Variants in RSU1 observed in about 807,000 individuals in gnomAD.
The protein encoded by RSU1 is rsu-1.
RSU1 carries 26 observed loss-of-function variants against 31.1 expected under a neutral mutation model. The ratio of observed to expected loss-of-function variants is 0.84; its 90% CI spans 0.61 to 1.16. RSU1 has a LOEUF of 1.16. Ranked by LOEUF, RSU1 falls within the 50% of genes most tolerant of loss-of-function variation. The pLI, the probability that RSU1 is intolerant of heterozygous loss-of-function variation, is 0.00. For missense variants in RSU1, 320 were observed against 339.1 expected (o/e 0.94, Z 0.44); for synonymous variants, 164 against 136.3 (o/e 1.20, Z -1.41).
intron 2 of RSU1, among the ~76,000 whole-genome samples, chr10:16,805,247 C>CAATCATAGCAAACGT (rs1234484030): frequency 6.6e-6 from 1 of 152,006 alleles, no homozygotes; most frequent in Non-Finnish European, 1.5e-5. Flanking sequence ...ATTGGTCCAG[C>CAATCATAGCAAACGT]AATCATAGCA....
intron 8 of RSU1, among the ~76,000 whole-genome samples, chr10:16,611,139 C>T (rs1274820350): frequency 2.6e-5 from 4 of 152,208 alleles, no homozygotes; most frequent in Admixed American, 6.5e-5. Flanking sequence ...GCTCAAGCAG[C>T]AGTGACTACA....
Position 16,792,002 on chromosome 10 carries a change from C to A in RSU1, c.110-9918G>T, listed in dbSNP as rs118078897. Among the ~76,000 whole-genome samples the A allele has an allele frequency of 3.3e-4, 50 of 152,174 alleles. 1 individual carries two copies. The East Asian group carries it at 6.8e-3, about 21-fold the overall frequency. Reference sequence around the variant, plus strand: ...GCACTTACATCCAGACAGATGAGGGCGAACAAAGCCAGGATGAGACACGGG... The same window carrying A: ...GCACTTACATCCAGACAGATGAGGGAGAACAAAGCCAGGATGAGACACGGG... On this transcript the variant is annotated intron_variant, in intron 2 of 8. Coordinates refer to ENST00000345264, the MANE Select transcript of RSU1 (RefSeq NM_012425.4).
chr10:16,651,682 A>G (rs924841617), intron 8 of RSU1, among the ~76,000 whole-genome samples: 1 of 152,226 alleles, frequency 6.6e-6, no homozygotes, highest in South Asian at 2.1e-4. Context: ...CTCATTTGCA[A>G]TATTACTCTA....
At chr10:16,605,593 C>G (rs11598349) in intron 8 of RSU1, among the ~76,000 whole-genome samples, 1 of 152,162 alleles carries the variant, frequency 6.6e-6, no homozygotes, top group Non-Finnish European at 1.5e-5. Flanking sequence ...GACTGAACAT[C>G]TGAGCCAAGC....
intron 8 of RSU1, among the ~76,000 whole-genome samples, chr10:16,618,591 G>C (rs1298197223): frequency 1.3e-5 from 2 of 152,148 alleles, no homozygotes; most frequent in African/African-American, 4.8e-5. Context: ...GCCCTTTGAT[G>C]ATAGACTGGA....
chr10:16,690,068 T>G lies in RSU1; in HGVS notation c.731+4955A>C, dbSNP rs181379991. Among the ~76,000 whole-genome samples the G allele has an allele frequency of 1.1e-3, 162 of 152,332 alleles. 5 individuals are homozygous for G. The South Asian group carries it at 0.024, about 23-fold the overall frequency. ...GTATCCACGTTCCTTGATGGAAATG[T>G]GCAAAGTGTGAGTTACCCCCTTTCA... On this transcript the variant is annotated intron_variant, in intron 8 of 8. Transcript: ENST00000345264.
At chr10:16,760,570 A>G (rs949632930) in intron 4 of RSU1, among the ~76,000 whole-genome samples, 5 of 152,058 alleles carry the variant, frequency 3.3e-5, no homozygotes, top group African/African-American at 9.7e-5. Context: ...GCCTCAAACC[A>G]AAATGTTATT....
At chr10:16,670,740 A>G (rs1452789101) in intron 8 of RSU1, among the ~76,000 whole-genome samples, 1 of 152,102 alleles carries the variant, frequency 6.6e-6, no homozygotes, top group Non-Finnish European at 1.5e-5. Context: ...CTTGGTCAGT[A>G]CTGGTCAGCA....
chr10:16,701,512 G>A (rs1346568222), intron 7 of RSU1, among the ~76,000 whole-genome samples: 1 of 152,146 alleles, frequency 6.6e-6, no homozygotes, highest in Non-Finnish European at 1.5e-5. Flanking sequence ...ATTTTTAAAA[G>A]AGGCATTCTG....
intron 3 of RSU1, 93 bp from the exon 4 acceptor site, chr10:16,764,603 A>G (rs1837276542): frequency 5.1e-6 from 7 of 1,372,386 alleles, no homozygotes; most frequent in Non-Finnish European, 7.0e-6. Flanking sequence ...CAAAGCAAAG[A>G]AAGACATAAC....
chr10:16,616,562 A>G lies in RSU1; in HGVS notation c.732-23066T>C, dbSNP rs137958754. Among the ~76,000 whole-genome samples the G allele has an allele frequency of 1.1e-3, 172 of 152,238 alleles. 1 individual carries two copies. Among genetic ancestry groups the G allele is most frequent in the African/African-American group, 3.9e-3 (164 of 41,554 alleles). On this transcript the variant is annotated intron_variant, in intron 8 of 8. Coordinates refer to ENST00000345264, the MANE Select transcript of RSU1 (RefSeq NM_012425.4). The stretch of plus-strand genomic sequence containing the variant: ...CAAAAACTGTCAGAGAGACAACAAA[A>G]AAAGAAAATTTCAGGCCAATATTCC...
intron 7 of RSU1, among the ~76,000 whole-genome samples, chr10:16,710,066 G>A (rs1175395304): frequency 6.6e-6 from 1 of 152,134 alleles, no homozygotes; most frequent in Non-Finnish European, 1.5e-5. Context: ...TTGAACAGAA[G>A]TAGCAGAAGT....
At chr10:16,752,797 A>G in intron 6 of RSU1, 121 bp downstream of exon 6, 1 of 1,031,434 alleles carries the variant, frequency 9.7e-7, no homozygotes, top group African/African-American at 1.6e-5. Flanking sequence ...AAGAAACACT[A>G]TCAGGAGTAG....
At chr10:16,777,148 T>C (rs1255187482) in intron 3 of RSU1, among the ~76,000 whole-genome samples, 2 of 152,158 alleles carry the variant, frequency 1.3e-5, no homozygotes, top group Non-Finnish European at 2.9e-5. Context: ...CACAATGGAA[T>C]TGAGCAGTAT....
intron 4 of RSU1, 90 bp downstream of exon 4, chr10:16,764,300 A>T: frequency 7.4e-7 from 1 of 1,351,872 alleles, no homozygotes; most frequent in Non-Finnish European, 9.8e-7. Flanking sequence ...TTTCTGTGCA[A>T]TAATATAAAA....
At chr10:16,792,974 T>A (rs528935115) in intron 2 of RSU1, among the ~76,000 whole-genome samples, 14 of 152,212 alleles carry the variant, frequency 9.2e-5, no homozygotes, top group Non-Finnish European at 2.1e-4. Flanking sequence ...GCTGAAGTTA[T>A]TTCACCCTTG....
intron 2 of RSU1, among the ~76,000 whole-genome samples, chr10:16,808,070 G>C (rs1473670533): frequency 6.6e-6 from 1 of 151,418 alleles, no homozygotes; most frequent in Admixed American, 6.6e-5. Flanking sequence ...CTTACGGTAA[G>C]GCAGGCCCTA....
rs547532076 is a variant in RSU1, at chr10:16,815,593, G to C, written c.109+1380C>G. ...TTTTTGAGCATCTACTGTGCTCCAGGCACTATTATTAAAAAAATGCAAGCA... is the reference window on the plus strand; with the variant it reads ...TTTTTGAGCATCTACTGTGCTCCAGCCACTATTATTAAAAAAATGCAAGCA... On this transcript the variant is annotated intron_variant, in intron 2 of 8. Transcript: ENST00000345264. 2.6e-5 allele frequency among the ~76,000 whole-genome samples: 4 copies of C among 152,088 alleles called. 1 individual carries two copies. In the Middle Eastern group the frequency reaches 0.01, roughly 388 times the overall value.
intron 7 of RSU1, among the ~76,000 whole-genome samples, chr10:16,736,980 G>C (rs1341273081): frequency 6.8e-6 from 1 of 147,134 alleles, no homozygotes; most frequent in Non-Finnish European, 1.5e-5. Context: ...CTTAATGACA[G>C]TGCACAAGAA....
Sources: gnomAD v4.1 joint callset for allele counts (sites outside exome capture counted in the v4.1 genomes callset) on GRCh38, gnomAD v4.1.1 for gene constraint, MANE v1.5 for transcripts, NCBI Gene and HGNC (gene_info 2026-07-23, HGNC 2026-07-21) for gene names.